The following LAMA4 variants were observed in gnomAD, a reference collection of about 807,000 sequenced individuals.
LAMA4 encodes the protein laminin subunit alpha-4.
A neutral mutation model predicts 207.1 loss-of-function variants in LAMA4; 127 were observed. The ratio of observed to expected loss-of-function variants is 0.61; its 90% CI spans 0.53 to 0.71. The LOEUF (loss-of-function observed/expected upper bound fraction) is 0.71. LAMA4 is among the 30% of genes least tolerant of loss of function. The pLI is 0.00. For synonymous variants in LAMA4, 761 were observed against 816.0 expected, an observed-to-expected ratio of 0.93 and a Z score of 1.15; for missense variants, 2,093 against 2,246.5, an observed-to-expected ratio of 0.93 and a Z score of 1.38.
At chr6:112,233,934 G>C (rs1554365113) in intron 2 of LAMA4, among the ~76,000 whole-genome samples, 1 of 151,994 alleles carries the variant, frequency 6.6e-6, no homozygotes, top group Non-Finnish European at 1.5e-5. Context: ...TACTCACATG[G>C]ACACGCCACC....
chr6:112,148,436 T>A lies in LAMA4; in HGVS notation c.2174-100A>T. 4 of 1,306,704 alleles carry A rather than the reference T, an allele frequency of 3.1e-6. No homozygotes were observed. In the Admixed American group the frequency reaches 5.8e-5, roughly 19 times the overall value. 80.9% of individuals were successfully genotyped at this position (1,306,704 alleles called of 1,614,324 possible). On this transcript the variant is annotated intron_variant, in intron 17 of 38. Transcript: ENST00000230538. ...ACCCTTGAATGAAACAGATCTCACA[T>A]TTTGGGCTCTTAAGCAAAAGTAAGA...
chr6:112,121,908 A>T, intron 32 of LAMA4, 106 bp downstream of exon 32: 2 of 925,152 alleles, frequency 2.2e-6, no homozygotes, highest in Non-Finnish European at 3.6e-6. Context: ...TAATAGGATT[A>T]AGGTGGCACA....
At chr6:112,148,707 AT>A (rs11308103) in intron 17 of LAMA4, among the ~76,000 whole-genome samples, 93,483 of 151,662 alleles carry the variant, frequency 0.62, 29,016 homozygotes, top group African/African-American at 0.66. Context: ...AAAGAAAGAT[AT>A]TTTTTTAATA....
chr6:112,192,770 T>TC (rs540280735), intron 5 of LAMA4, among the ~76,000 whole-genome samples: 2 of 152,252 alleles, frequency 1.3e-5, no homozygotes, highest in South Asian at 4.1e-4. Flanking sequence ...TCCCTACTTT[T>TC]CCCAAAGCTG....
Position 112,254,287 on chromosome 6 carries a change from A to G in LAMA4, c.-137T>C. 2 of 1,044,946 alleles carry G rather than the reference A, an allele frequency of 1.9e-6. No individual in the cohort carries two copies. The highest frequency in any genetic ancestry group is 2.9e-6 in the Non-Finnish European group (2 of 690,076). The allele number at this position is 1,044,946 out of a possible 1,614,324, so 64.7% of individuals were successfully genotyped here. On this transcript the variant is annotated 5_prime_UTR_variant, in exon 2 of 39. Coordinates refer to ENST00000230538, the MANE Select transcript of LAMA4 (RefSeq NM_001105206.3). ...AGTATCCCGAGGTGGCTGCGCAACCAGCAGCTTAGGAAATAAAGGGAAAGT... is the reference window on the plus strand; with the variant it reads ...AGTATCCCGAGGTGGCTGCGCAACCGGCAGCTTAGGAAATAAAGGGAAAGT...
At chr6:112,190,939 CTTTCTTTCCTTT>C (rs1204538267) in intron 6 of LAMA4, among the ~76,000 whole-genome samples, 1,924 of 44,296 alleles carry the variant, frequency 0.043, 11 homozygotes, top group South Asian at 0.07. Context: ...TTCTTTCTTT[CTTTCTTTCCTTT>C]CTTTCTTTCT....
Position 112,175,493 on chromosome 6 carries a change from A to G in LAMA4, c.1190-13T>C. 6.2e-7 allele frequency: 1 copy of G among 1,613,994 alleles called. No individual in the cohort carries two copies. ...TTGTTGTTGATCTCTGAAAGGAAGA[A>G]CATGGTGAAACAAGGCAGCAGGGAG... is the stretch of plus-strand genomic sequence containing the variant. On this transcript the variant is annotated splice_polypyrimidine_tract_variant and intron_variant, in intron 10 of 38. Transcript: ENST00000230538.
intron 13 of LAMA4, 97 bp downstream of exon 13, chr6:112,165,063 C>G (rs528390773): frequency 2.5e-6 from 2 of 794,556 alleles, no homozygotes; most frequent in Non-Finnish European, 4.6e-6. Context: ...AATGCCTGCT[C>G]ACTGGTTAGA....
At chr6:112,128,851 A>C in intron 31 of LAMA4, 71 bp downstream of exon 31, 1 of 1,337,804 alleles carries the variant, frequency 7.5e-7, no homozygotes, top group Non-Finnish European at 1.1e-6. Context: ...ATTCTCTAAA[A>C]CAGCAGTGTC....
At chr6:112,141,632 C>A (rs991120783) in intron 20 of LAMA4, 129 bp from the exon 21 acceptor site, 2 of 749,586 alleles carry the variant, frequency 2.7e-6, no homozygotes, top group Non-Finnish European at 4.6e-6. Context: ...AATTATTATC[C>A]GAAGCTCCTG....
intron 2 of LAMA4, chr6:112,218,122 G>GACATTT (rs1421644585): frequency 1.3e-5 from 2 of 152,288 alleles, no homozygotes; most frequent in South Asian, 2.1e-4. Context: ...GATGACCCAT[G>GACATTT]AATGTGTTGC....
chr6:112,244,163 C>CA (rs1478691023), intron 2 of LAMA4, among the ~76,000 whole-genome samples: 4 of 152,226 alleles, frequency 2.6e-5, no homozygotes, highest in African/African-American at 4.8e-5. Flanking sequence ...CACAAGGTAA[C>CA]AGGTCACAAA....
intron 31 of LAMA4, 38 bp downstream of exon 31, chr6:112,128,884 G>A: frequency 6.3e-7 from 1 of 1,583,610 alleles, no homozygotes; most frequent in Non-Finnish European, 8.7e-7. Flanking sequence ...CATGGAAAAT[G>A]ATGACAATTA....
intron 4 of LAMA4, among the ~76,000 whole-genome samples, chr6:112,206,523 C>A (rs1348379242): frequency 1.3e-5 from 2 of 152,132 alleles, no homozygotes; most frequent in Non-Finnish European, 2.9e-5. Context: ...CAAAACGTAG[C>A]CAGAAAGTGT....
intron 16 of LAMA4, 99 bp downstream of exon 16, chr6:112,154,752 C>T (rs1780603151): frequency 3.7e-6 from 3 of 809,028 alleles, no homozygotes; most frequent in East Asian, 4.9e-5. Context: ...AGTTATAATA[C>T]TATTCTTTAA....
At chr6:112,188,914 AC>A in intron 7 of LAMA4, 195 bp downstream of exon 7, 1 of 586,610 alleles carries the variant, frequency 1.7e-6, no homozygotes, top group Non-Finnish European at 3.1e-6. Flanking sequence ...AATGTAAACC[AC>A]CCATTTGCCC....
In LAMA4 at chr6:112,109,577, G is replaced by A; in HGVS notation, c.5332C>T (p.Leu1778=). 6.2e-7 allele frequency: 1 copy of A among 1,614,080 alleles called. No homozygotes were observed. Residue 1778 remains leucine, a synonymous_variant, in exon 39 of 39, where the codon CTA becomes TTA. Coordinates refer to ENST00000230538, the MANE Select transcript of LAMA4 (RefSeq NM_001105206.3). ...PVFVGGVPES[L]LTPRLAPSKP... is the part of the protein sequence containing the mutation. ...CTGGGGGCCAAGCGTGGTGTCAGTA[G>A]AGATTCTGAAAAGAGCAAGAAATAA...
intron 2 of LAMA4, among the ~76,000 whole-genome samples, chr6:112,249,831 A>G (rs1304769942): frequency 6.6e-6 from 1 of 152,132 alleles, no homozygotes; most frequent in African/African-American, 2.4e-5. Flanking sequence ...TTTGAAGCCT[A>G]TTTTGGTGTT....
At chr6:112,249,677 T>A (rs1350311698) in intron 2 of LAMA4, among the ~76,000 whole-genome samples, 1 of 152,156 alleles carries the variant, frequency 6.6e-6, no homozygotes, top group Non-Finnish European at 1.5e-5. Context: ...CATTGATTTG[T>A]CATGAAAGTT....
Sources: allele counts gnomAD v4.1 joint callset (sites outside exome capture counted in the v4.1 genomes callset), GRCh38; gene constraint gnomAD v4.1.1; transcripts MANE v1.5; gene names NCBI Gene and HGNC (gene_info 2026-07-23, HGNC 2026-07-21).